The following LRMDA variants were observed in gnomAD, a reference collection of about 807,000 sequenced individuals.
LRMDA encodes the protein leucine-rich melanocyte differentiation-associated protein.
In LRMDA, 18 loss-of-function variants were observed where a neutral mutation model predicts 29.8. The ratio of observed to expected loss-of-function variants is 0.60; its 90% CI spans 0.42 to 0.90. The LOEUF (loss-of-function observed/expected upper bound fraction) is 0.90. Among genes scored for constraint, LRMDA ranks in the 40% least tolerant of loss-of-function variants. LRMDA has a pLI of 0.00. For missense variants in LRMDA, 273 were observed against 273.9 expected, an observed-to-expected ratio of 1.00 and a Z score of 0.02; for synonymous variants, 125 against 109.4, an observed-to-expected ratio of 1.14 and a Z score of -0.89.
At chr10:76,338,086 AC>A (rs1227327368) in intron 6 of LRMDA, among the ~76,000 whole-genome samples, 4 of 151,922 alleles carry the variant, frequency 2.6e-5, no homozygotes, top group East Asian at 1.9e-4. Flanking sequence ...AAAAAAAAAA[AC>A]AATTCCCAAA....
At chr10:76,527,049 C>T (rs1338701569) in intron 6 of LRMDA, among the ~76,000 whole-genome samples, 1 of 105,520 alleles carries the variant, frequency 9.5e-6, no homozygotes, top group Non-Finnish European at 1.9e-5. Flanking sequence ...TCAGGTCTGA[C>T]AAAAAAAAAA....
chr10:76,435,138 G>A (rs1158569989), intron 6 of LRMDA, among the ~76,000 whole-genome samples: 1 of 152,106 alleles, frequency 6.6e-6, no homozygotes, highest in African/African-American at 2.4e-5. Flanking sequence ...AGTACTTAAG[G>A]AAGGGAAAGT....
intron 5 of LRMDA, among the ~76,000 whole-genome samples, chr10:76,139,484 G>T (rs1175525630): frequency 6.6e-6 from 1 of 152,000 alleles, no homozygotes; most frequent in African/African-American, 2.4e-5. Context: ...TGCATAAACT[G>T]ATGTTTTGAT....
chr10:76,108,396 C>A (rs887333371), intron 5 of LRMDA, among the ~76,000 whole-genome samples: 30 of 152,198 alleles, frequency 2.0e-4, no homozygotes, highest in Admixed American at 1.8e-3. Context: ...GGTAAAATAA[C>A]CATCAGTCTT....
intron 6 of LRMDA, among the ~76,000 whole-genome samples, chr10:76,366,559 C>T (rs1226510026): frequency 6.6e-6 from 1 of 152,108 alleles, no homozygotes; most frequent in Non-Finnish European, 1.5e-5. Context: ...GGCTTGCTTG[C>T]TGTTGGTGTA....
chr10:75,688,957 C>A (rs1009538360), intron 2 of LRMDA, among the ~76,000 whole-genome samples: 1 of 152,068 alleles, frequency 6.6e-6, no homozygotes, highest in Non-Finnish European at 1.5e-5. Context: ...ACTGTTATTG[C>A]ACACTTAATA....
rs1372776160 is a variant in LRMDA, at chr10:76,240,180, ACACACACACACAC to A, written c.517-84207_517-84195del. On this transcript the variant is annotated intron_variant, in intron 5 of 6. Coordinates refer to ENST00000611255, the MANE Select transcript of LRMDA (RefSeq NM_001305581.2). ...AAGGAAATGCAAATCAAAATCGCAT[ACACACACACACAC>A]CACACACACACACACACCACACACA... 2.0e-3 allele frequency among the ~76,000 whole-genome samples: 306 copies of A among 149,994 alleles called. 2 individuals carry two copies. Among genetic ancestry groups the A allele is most frequent in the African/African-American group, 6.7e-3 (276 of 40,892 alleles).
chr10:75,657,738 T>C lies in LRMDA; in HGVS notation c.131+219244T>C, dbSNP rs960831800. Among the ~76,000 whole-genome samples the C allele has an allele frequency of 2.6e-5, 4 of 151,886 alleles. No homozygotes were observed. The East Asian group carries it at 7.7e-4, about 29-fold the overall frequency. On this transcript the variant is annotated intron_variant, in intron 2 of 6. Transcript: ENST00000611255. Reference sequence around the variant, plus strand: ...TAGGTTTGCTTCCAGGGTGAGAGAGTTGGGGGGCAAACTGGTGGGCAAATT... The same window carrying C: ...TAGGTTTGCTTCCAGGGTGAGAGAGCTGGGGGGCAAACTGGTGGGCAAATT...
chr10:76,089,524 C>G (rs924510646), intron 5 of LRMDA, among the ~76,000 whole-genome samples: 2 of 152,234 alleles, frequency 1.3e-5, no homozygotes, highest in Non-Finnish European at 2.9e-5. Flanking sequence ...AATCATGGCT[C>G]TGTCTGGCGT....
intron 5 of LRMDA, among the ~76,000 whole-genome samples, chr10:76,177,625 T>TA (rs145882342): frequency 0.023 from 3,504 of 152,120 alleles, 128 homozygotes; most frequent in African/African-American, 0.075. Flanking sequence ...TCTAAGTAGA[T>TA]AAAAAAAATC....
chr10:75,840,353 G>A (rs1844517702), intron 2 of LRMDA, among the ~76,000 whole-genome samples: 1 of 152,158 alleles, frequency 6.6e-6, no homozygotes, highest in Non-Finnish European at 1.5e-5. Context: ...GTTGGTCTAA[G>A]TAAAAGCATT....
At chr10:75,624,226 G>A (rs1242301023) in intron 2 of LRMDA, among the ~76,000 whole-genome samples, 1 of 152,132 alleles carries the variant, frequency 6.6e-6, no homozygotes, top group Non-Finnish European at 1.5e-5. Flanking sequence ...ACAGAATTAG[G>A]AGAAAGACTA....
intron 6 of LRMDA, among the ~76,000 whole-genome samples, chr10:76,350,965 C>T (rs1009783755): frequency 6.6e-6 from 1 of 152,038 alleles, no homozygotes; most frequent in African/African-American, 2.4e-5. Context: ...GCCCCTAAAT[C>T]TCTATTAAAA....
At chr10:76,440,387 G>A (rs1842289060) in intron 6 of LRMDA, among the ~76,000 whole-genome samples, 1 of 152,056 alleles carries the variant, frequency 6.6e-6, no homozygotes, top group African/African-American at 2.4e-5. Flanking sequence ...GTAAAATATT[G>A]AGGGTATTAC....
chr10:75,716,615 T>C (rs1400438432), intron 2 of LRMDA, among the ~76,000 whole-genome samples: 5 of 152,208 alleles, frequency 3.3e-5, no homozygotes, highest in African/African-American at 4.8e-5. Flanking sequence ...AGGTTCAAGC[T>C]AGTGGGTGGC....
At chr10:75,622,629 G>A (rs925864788) in intron 2 of LRMDA, among the ~76,000 whole-genome samples, 15 of 152,116 alleles carry the variant, frequency 9.9e-5, no homozygotes, top group African/African-American at 3.4e-4. Flanking sequence ...AGTCACAGAC[G>A]CATTCTTAAA....
chr10:76,359,990 T>G (rs1841291765), intron 6 of LRMDA, among the ~76,000 whole-genome samples: 1 of 152,002 alleles, frequency 6.6e-6, no homozygotes, highest in Non-Finnish European at 1.5e-5. Context: ...TTTCTTTTTC[T>G]TTTGTTTTTT....
intron 2 of LRMDA, among the ~76,000 whole-genome samples, chr10:75,631,453 C>T (rs1318363030): frequency 1.3e-5 from 2 of 151,080 alleles, no homozygotes; most frequent in South Asian, 2.1e-4. Flanking sequence ...AGTGCTTTGG[C>T]CATAAGATCA....
chr10:75,516,881 G>A (rs1344568423), intron 2 of LRMDA, among the ~76,000 whole-genome samples: 2 of 152,100 alleles, frequency 1.3e-5, no homozygotes, highest in East Asian at 1.9e-4. Context: ...TTTGTATAAG[G>A]TGTAAGGAAG....
Sources: gnomAD v4.1 joint callset for allele counts (sites outside exome capture counted in the v4.1 genomes callset) on GRCh38, gnomAD v4.1.1 for gene constraint, MANE v1.5 for transcripts, NCBI Gene and HGNC (gene_info 2026-07-23, HGNC 2026-07-21) for gene names.